The following CDH4 variants were observed in gnomAD, a reference collection of about 807,000 sequenced individuals.
CDH4 encodes the protein cadherin-4.
In CDH4, 33 loss-of-function variants were observed where a neutral mutation model predicts 86.0. The ratio of observed to expected loss-of-function variants is 0.38; its 90% confidence interval spans 0.29 to 0.51. The LOEUF is 0.51. Among genes scored for constraint, CDH4 ranks in the 20% least tolerant of loss-of-function variants. The pLI, the probability that CDH4 is intolerant of heterozygous loss-of-function variation, is 0.86. For synonymous variants in CDH4, 555 were observed against 549.4 expected, an observed-to-expected ratio of 1.01 and a Z score of -0.14; for missense variants, 1,114 against 1,307.4, an observed-to-expected ratio of 0.85 and a Z score of 2.28.
chr20:61,269,841 G>A lies in CDH4; in HGVS notation c.169+14904G>A, dbSNP rs780829633. ...CAGATAGCAACTCCATGTTCCCGACGCATGACCGGACCTCCAGAGCCAGTG... is the reference window on the plus strand; with the variant it reads ...CAGATAGCAACTCCATGTTCCCGACACATGACCGGACCTCCAGAGCCAGTG... On this transcript the variant is annotated intron_variant, in intron 2 of 15. Coordinates refer to ENST00000614565, the MANE Select transcript of CDH4 (RefSeq NM_001794.5). This position sits in a 1 kb window ranked among gnomAD's most constrained non-coding sequence, Gnocchi z 5.3. 1.4e-4 allele frequency among the ~76,000 whole-genome samples: 21 copies of A among 152,134 alleles called. No individual in the cohort carries two copies. The highest frequency in any genetic ancestry group is 3.4e-3 in the Middle Eastern group (1 of 294).
intron 2 of CDH4, among the ~76,000 whole-genome samples, chr20:61,347,052 T>C (rs1038744761): frequency 2.0e-5 from 3 of 152,156 alleles, no homozygotes; most frequent in African/African-American, 7.2e-5. Context: ...TTCTTCAAGG[T>C]CAGTACCACG....
chr20:61,336,384 T>A (rs897335840), intron 2 of CDH4, among the ~76,000 whole-genome samples: 5 of 152,196 alleles, frequency 3.3e-5, no homozygotes, highest in Admixed American at 6.5e-5. Flanking sequence ...AACATGAGTG[T>A]TTCACTGATT....
At chr20:61,254,065 G>A (rs2123109537) in intron 1 of CDH4, among the ~76,000 whole-genome samples, 1 of 152,340 alleles carries the variant, frequency 6.6e-6, no homozygotes, top group South Asian at 2.1e-4. Context: ...CCCTGGCCCT[G>A]TGCCATGGGC....
intron 2 of CDH4, among the ~76,000 whole-genome samples, chr20:61,400,691 G>C (rs1354039874): frequency 6.6e-6 from 1 of 152,162 alleles, no homozygotes; most frequent in African/African-American, 2.4e-5. Context: ...CCTGGCCTTG[G>C]GGGTGGGGAT....
chr20:61,580,352 G>C (rs1337314384), intron 2 of CDH4, among the ~76,000 whole-genome samples: 1 of 152,170 alleles, frequency 6.6e-6, no homozygotes, highest in Non-Finnish European at 1.5e-5. Context: ...CTACTAGGGA[G>C]GCTGAGGCAG....
rs1044213860 is a variant in CDH4, at chr20:61,709,058, T to C, written c.170-34505T>C. ...TGCGGCCCAGCTCAGGCCTGGCTCATGATGGGAGTGTGGAGGACACTGGCT... is the reference window on the plus strand; with the variant it reads ...TGCGGCCCAGCTCAGGCCTGGCTCACGATGGGAGTGTGGAGGACACTGGCT... On this transcript the variant is annotated intron_variant, in intron 2 of 15. Coordinates refer to ENST00000614565, the MANE Select transcript of CDH4 (RefSeq NM_001794.5). This position sits in a 1 kb window ranked among gnomAD's most constrained non-coding sequence, Gnocchi z 4.8. 2.6e-5 allele frequency among the ~76,000 whole-genome samples: 4 copies of C among 152,106 alleles called. No individual in the cohort carries two copies. The highest frequency in any genetic ancestry group is 9.7e-5 in the African/African-American group (4 of 41,436).
intron 2 of CDH4, among the ~76,000 whole-genome samples, chr20:61,410,364 G>A (rs1322602415): frequency 6.6e-6 from 1 of 151,716 alleles, no homozygotes; most frequent in Non-Finnish European, 1.5e-5. Flanking sequence ...CCTCTCACTG[G>A]CCAATCTATC....
intron 4 of CDH4, among the ~76,000 whole-genome samples, chr20:61,828,596 G>T (rs1981432407): frequency 6.6e-6 from 1 of 152,184 alleles, no homozygotes; most frequent in Admixed American, 6.5e-5. Context: ...GTCCTGAGGG[G>T]AGGGTCCTGA....
At chr20:61,469,563 G>T (rs1019203792) in intron 2 of CDH4, among the ~76,000 whole-genome samples, 4 of 152,040 alleles carry the variant, frequency 2.6e-5, no homozygotes, top group African/African-American at 7.2e-5. Flanking sequence ...TTTTTAACTT[G>T]ATGTAATCTT....
intron 2 of CDH4, among the ~76,000 whole-genome samples, chr20:61,356,855 T>C (rs2084753251): frequency 6.6e-6 from 1 of 152,266 alleles, no homozygotes; most frequent in Non-Finnish European, 1.5e-5. Flanking sequence ...GGGGATTATC[T>C]GGACAGATTT....
intron 2 of CDH4, among the ~76,000 whole-genome samples, chr20:61,304,602 A>T (rs2084405485): frequency 6.6e-6 from 1 of 152,100 alleles, no homozygotes; most frequent in Non-Finnish European, 1.5e-5. Flanking sequence ...GTGCCATAAC[A>T]ATATTAAGAG....
At chr20:61,841,597 T>G (rs916999425) in intron 4 of CDH4, among the ~76,000 whole-genome samples, 3 of 152,146 alleles carry the variant, frequency 2.0e-5, no homozygotes, top group African/African-American at 7.2e-5. Flanking sequence ...GACCCGCCCT[T>G]CCCTAGGTCG....
chr20:61,473,317 A>G lies in CDH4; in HGVS notation c.169+218380A>G, dbSNP rs1461922848. ...TACAGGTTAGTTTTTCTCTGTGGCT[A>G]TGTTTAACAACAAGCAGGCAAATTT... On this transcript the variant is annotated intron_variant, in intron 2 of 15. Transcript: ENST00000614565. 3.9e-5 allele frequency among the ~76,000 whole-genome samples: 6 copies of G among 152,180 alleles called. No homozygotes were observed. In the East Asian group the frequency reaches 5.8e-4, roughly 15 times the overall value.
Position 61,336,329 on chromosome 20 carries a change from G to A in CDH4, c.169+81392G>A, listed in dbSNP as rs932359632. 4.6e-5 allele frequency among the ~76,000 whole-genome samples: 7 copies of A among 152,258 alleles called. No individual in the cohort carries two copies. In the South Asian group the frequency reaches 1.5e-3, roughly 32 times the overall value. ...TATGCACTGTGACTAACACATAGAA[G>A]TGCCTTTTCCTCTTCTTCCTCCTCG... On this transcript the variant is annotated intron_variant, in intron 2 of 15. Coordinates refer to ENST00000614565, the MANE Select transcript of CDH4 (RefSeq NM_001794.5).
At chr20:61,574,055 G>A (rs1160971540) in intron 2 of CDH4, among the ~76,000 whole-genome samples, 1 of 152,220 alleles carries the variant, frequency 6.6e-6, no homozygotes, top group African/African-American at 2.4e-5. Context: ...TGGCCAGCGA[G>A]GACCCACAGC....
At chr20:61,353,030 TCCTCC>T (rs1171906660) in intron 2 of CDH4, among the ~76,000 whole-genome samples, 3 of 152,102 alleles carry the variant, frequency 2.0e-5, no homozygotes, top group Admixed American at 1.3e-4. Flanking sequence ...GGGCCCCATC[TCCTCC>T]CCTCCCCTCT....
At chr20:61,631,822 G>A (rs1261296935) in intron 2 of CDH4, among the ~76,000 whole-genome samples, 1 of 152,202 alleles carries the variant, frequency 6.6e-6, no homozygotes, top group Non-Finnish European at 1.5e-5. Context: ...ACAGCAGTGG[G>A]GGTGGCACGC....
intron 3 of CDH4, among the ~76,000 whole-genome samples, chr20:61,761,025 G>T (rs537345872): frequency 6.6e-6 from 1 of 152,212 alleles, no homozygotes; most frequent in Non-Finnish European, 1.5e-5. Flanking sequence ...CCAGCTAGAA[G>T]GCTGCAGACA....
chr20:61,772,750 A>G (rs575139508), intron 3 of CDH4, among the ~76,000 whole-genome samples: 57 of 151,696 alleles, frequency 3.8e-4, no homozygotes, highest in Non-Finnish European at 7.7e-4. Flanking sequence ...TTCTTTGTTT[A>G]TGGTTTCTTT....
Sources: gnomAD v4.1 joint callset for allele counts (sites outside exome capture counted in the v4.1 genomes callset) on GRCh38, gnomAD v4.1.1 for gene constraint, Gnocchi (gnomAD v3.1) non-coding constraint, MANE v1.5 for transcripts, NCBI Gene and HGNC (gene_info 2026-07-23, HGNC 2026-07-21) for gene names.